Variants in CABIN1 observed in about 807,000 individuals in gnomAD.
CABIN1 encodes the protein calcineurin-binding protein cabin-1.
CABIN1 carries 133 observed loss-of-function variants against 227.7 expected under a neutral mutation model. The observed-to-expected ratio is 0.58, with a 90% CI of 0.51 to 0.67. The LOEUF is 0.67. Ranked by LOEUF, CABIN1 falls within the 30% of genes least tolerant of loss-of-function variation. The probability of loss-of-function intolerance (pLI) is 0.00; values close to 1 mark genes in which losing one functional copy is unlikely to be tolerated. For missense variants in CABIN1, 2,408 were observed against 2,852.5 expected, an observed-to-expected ratio of 0.84 and a Z score of 3.55; for synonymous variants, 1,086 against 1,155.1, an observed-to-expected ratio of 0.94 and a Z score of 1.21.
intron 19 of CABIN1, among the ~76,000 whole-genome samples, chr22:24,077,974 G>A (rs943018331): frequency 2.6e-5 from 4 of 152,166 alleles, no homozygotes; most frequent in African/African-American, 9.7e-5. Context: ...GTTTCATTTT[G>A]TAGTTCCTGA....
chr22:24,065,810 C>T (rs939243768), intron 15 of CABIN1, among the ~76,000 whole-genome samples: 12 of 152,262 alleles, frequency 7.9e-5, no homozygotes, highest in African/African-American at 1.9e-4. Flanking sequence ...GAGACCAGCC[C>T]GGCCAACACA....
At chr22:24,104,701 C>CG (rs1430738294) in intron 26 of CABIN1, among the ~76,000 whole-genome samples, 1 of 152,216 alleles carries the variant, frequency 6.6e-6, no homozygotes, top group African/African-American at 2.4e-5. Flanking sequence ...CCCGATTTCC[C>CG]GGGCCAGCCT....
At chr22:24,029,328 G>A (rs917626186) in intron 1 of CABIN1, among the ~76,000 whole-genome samples, 5 of 152,166 alleles carry the variant, frequency 3.3e-5, no homozygotes, top group East Asian at 3.9e-4. Context: ...AAGCCGAGGC[G>A]CTTGAGCTCA....
At chr22:24,159,681 G>A (rs1194529571) in intron 29 of CABIN1, among the ~76,000 whole-genome samples, 1 of 152,216 alleles carries the variant, frequency 6.6e-6, no homozygotes, top group Non-Finnish European at 1.5e-5. Flanking sequence ...ACAGAATGGG[G>A]CAGGGGGTTG....
intron 26 of CABIN1, among the ~76,000 whole-genome samples, chr22:24,106,465 C>T (rs1460979696): frequency 6.6e-6 from 1 of 152,204 alleles, no homozygotes; most frequent in Admixed American, 6.5e-5. Context: ...ACAACCCTCC[C>T]TGCTGCCTGC....
At chr22:24,084,348 C>T (rs1398717753) in intron 20 of CABIN1, among the ~76,000 whole-genome samples, 1 of 151,614 alleles carries the variant, frequency 6.6e-6, no homozygotes, top group Non-Finnish European at 1.5e-5. Flanking sequence ...AAGAGATTCT[C>T]CTGCCGCAAC....
At chr22:24,174,675 A>G (rs1323239532) in intron 34 of CABIN1, among the ~76,000 whole-genome samples, 2 of 152,082 alleles carry the variant, frequency 1.3e-5, no homozygotes, top group Non-Finnish European at 2.9e-5. Context: ...TCATCAGTGC[A>G]TCTGAGCTCC....
intron 26 of CABIN1, among the ~76,000 whole-genome samples, chr22:24,111,373 G>A (rs1332559638): frequency 4.6e-5 from 7 of 152,138 alleles, no homozygotes; most frequent in Admixed American, 4.6e-4. Context: ...GCAGGCAGGC[G>A]AGCACTACCA....
rs748658853 is a variant in CABIN1, at chr22:24,072,416, A to G, written c.2538A>G (p.Leu846=). The G allele has an allele frequency of 1.2e-6, 2 of 1,613,988 alleles. No individual in the cohort carries two copies. The highest frequency in any genetic ancestry group is 3.3e-5 in the Admixed American group (2 of 60,002). The change falls in exon 18 of 37, where the codon CTA becomes CTG. Residue 846 remains leucine (L), a synonymous_variant. Transcript: ENST00000263119. ...EAKEPHVSSV[L]PWIILHRIIW... is the part of the protein sequence containing the mutation. ...AGGAGCCCCACGTCTCTTCAGTGCT[A>G]CCCTGGATCATTCTACACCGGATCA...
chr22:24,159,264 A>C (rs71318954), intron 29 of CABIN1, among the ~76,000 whole-genome samples: 2 of 152,168 alleles, frequency 1.3e-5, no homozygotes, highest in Non-Finnish European at 2.9e-5. Flanking sequence ...CAGGGCAGCT[A>C]TTCCCGTTCA....
chr22:24,060,848 C>T (rs1023863057), intron 12 of CABIN1, among the ~76,000 whole-genome samples: 4 of 151,606 alleles, frequency 2.6e-5, no homozygotes, highest in Non-Finnish European at 5.9e-5. Context: ...TGCAGTGAGC[C>T]GAGATGGCGC....
At chr22:24,131,937 G>C (rs1200173777) in intron 28 of CABIN1, among the ~76,000 whole-genome samples, 1 of 151,996 alleles carries the variant, frequency 6.6e-6, no homozygotes, top group Non-Finnish European at 1.5e-5. Flanking sequence ...ATGGTGGCAG[G>C]CACCTGTAGT....
At chr22:24,015,273 A>G (rs1413551925) in intron 1 of CABIN1, among the ~76,000 whole-genome samples, 4 of 11,564 alleles carry the variant, frequency 3.5e-4, no homozygotes, top group African/African-American at 7.1e-4. Flanking sequence ...CCATCTCCAA[A>G]AAAAAAAAAA....
At chr22:24,053,251 T>C (rs1052137179) in intron 8 of CABIN1, among the ~76,000 whole-genome samples, 1 of 151,766 alleles carries the variant, frequency 6.6e-6, no homozygotes, top group Non-Finnish European at 1.5e-5. Context: ...CTAATTTTTT[T>C]ATTTTTAGTA....
chr22:24,017,339 A>G (rs1003863363), intron 1 of CABIN1, among the ~76,000 whole-genome samples: 4 of 152,088 alleles, frequency 2.6e-5, no homozygotes, highest in African/African-American at 7.2e-5. Context: ...GCCTGACCCA[A>G]TTTATCATTT....
chr22:24,089,436 A>G (rs1458227669), intron 23 of CABIN1, among the ~76,000 whole-genome samples: 1 of 152,180 alleles, frequency 6.6e-6, no homozygotes, highest in East Asian at 1.9e-4. Flanking sequence ...AGGTCCTGAA[A>G]CTGGGTTCCC....
At chr22:24,122,585 G>A (rs201684125) in intron 28 of CABIN1, among the ~76,000 whole-genome samples, 1 of 152,098 alleles carries the variant, frequency 6.6e-6, no homozygotes, top group Admixed American at 6.6e-5. Context: ...GTGCACACCT[G>A]TAATCCCAGT....
At chr22:24,114,058 TTTGTTGTTGTTG>T (rs695681) in intron 27 of CABIN1, among the ~76,000 whole-genome samples, 2,284 of 151,706 alleles carry the variant, frequency 0.015, 66 homozygotes, top group African/African-American at 0.053. Context: ...GTGCTCTGTT[TTTGTTGTTGTTG>T]TTGTTGTTGT....
intron 20 of CABIN1, 144 bp from the exon 21 acceptor site, chr22:24,084,435 G>A: frequency 1.4e-6 from 1 of 740,678 alleles, no homozygotes. Context: ...TTTTTTTTAA[G>A]TATAATGGGG....
Sources: allele counts gnomAD v4.1 joint callset (sites outside exome capture counted in the v4.1 genomes callset), GRCh38; gene constraint gnomAD v4.1.1; transcripts MANE v1.5; gene names NCBI Gene and HGNC (gene_info 2026-07-23, HGNC 2026-07-21).